Variants in KIF1B observed in about 807,000 individuals in gnomAD.
KIF1B encodes kinesin family member 1B, also known as kinesin-like protein KIF1B.
A neutral mutation model predicts 241.9 loss-of-function variants in KIF1B; 76 were observed. The ratio of observed to expected loss-of-function variants is 0.31; its 90% CI spans 0.26 to 0.38. The LOEUF (loss-of-function observed/expected upper bound fraction) is 0.38. KIF1B is among the 10% of genes least tolerant of loss of function. The pLI, the probability that KIF1B is intolerant of heterozygous loss-of-function variation, is 1.00. For missense variants in KIF1B, 1,622 were observed against 2,271.4 expected, an observed-to-expected ratio of 0.71 and a Z score of 5.81; for synonymous variants, 750 against 796.7, an observed-to-expected ratio of 0.94 and a Z score of 0.99.
intron 27 of KIF1B, 99 bp from the exon 28 acceptor site, chr1:10,334,421 G>A: frequency 1.1e-6 from 1 of 949,404 alleles, no homozygotes; most frequent in Non-Finnish European, 1.7e-6. Flanking sequence ...AAGGCCAGAA[G>A]TCAGCTCACA....
At chr1:10,235,778 C>T (rs1647041828) in intron 2 of KIF1B, among the ~76,000 whole-genome samples, 1 of 148,470 alleles carries the variant, frequency 6.7e-6, no homozygotes, top group Non-Finnish European at 1.5e-5. Context: ...AGGAGAATCA[C>T]TTGAACCCGG....
At chr1:10,227,762 C>A (rs141221242) in intron 1 of KIF1B, 1,844 of 153,836 alleles carry the variant, frequency 0.012, 37 homozygotes, top group African/African-American at 0.042. Context: ...GAGCCAAGAT[C>A]GTGCCACTGC....
rs1639012196 is a variant in KIF1B, at chr1:10,381,141, G to C, written c.*4554G>C. 1 of 220,084 alleles carries C rather than the reference G, an allele frequency of 4.5e-6. No homozygotes were observed. 13.6% of individuals were successfully genotyped at this position (220,084 alleles called of 1,614,324 possible). On this transcript the variant is annotated 3_prime_UTR_variant, in exon 49 of 49. Coordinates refer to ENST00000676179, the MANE Select transcript of KIF1B (RefSeq NM_001365951.3). ...CTTCGAGTTCATTTTTTTTCATTCT[G>C]CCTATTCTGGCATCAGCTCACTTGA...
rs546181801 is a variant in KIF1B, at chr1:10,283,021, C to T, written c.1434+488C>T. Among the ~76,000 whole-genome samples the T allele has an allele frequency of 2.0e-4, 31 of 152,014 alleles. No individual in the cohort carries two copies. The South Asian group carries it at 6.4e-3, about 32-fold the overall frequency. ...AGGAGATCAAGACCATCCTGGCTAACACGGTGAGACCCTGTCTCTACTAAA... is the reference window on the plus strand; with the variant it reads ...AGGAGATCAAGACCATCCTGGCTAATACGGTGAGACCCTGTCTCTACTAAA... On this transcript the variant is annotated intron_variant, in intron 15 of 48. Coordinates refer to ENST00000676179, the MANE Select transcript of KIF1B (RefSeq NM_001365951.3).
At chr1:10,261,270 ATTTT>A (rs141281398) in intron 4 of KIF1B, among the ~76,000 whole-genome samples, 1 of 136,982 alleles carries the variant, frequency 7.3e-6, no homozygotes, top group African/African-American at 2.7e-5. Flanking sequence ...ACCTGGCCAA[ATTTT>A]TTTTTTTTTT....
At chr1:10,255,235 C>T (rs113865294) in intron 2 of KIF1B, among the ~76,000 whole-genome samples, 1 of 152,134 alleles carries the variant, frequency 6.6e-6, no homozygotes, top group African/African-American at 2.4e-5. Flanking sequence ...AAGTGGGAGC[C>T]ACCGCGCCCA....
Position 10,378,992 on chromosome 1 carries a change from A to G in KIF1B, c.*2405A>G, listed in dbSNP as rs1448443335. On this transcript the variant is annotated 3_prime_UTR_variant, in exon 49 of 49. Transcript: ENST00000676179. ...AGTTAGAAGTTTCATTGTCTGATGG[A>G]CACAATATGCCCTTCCGGTTCTATT... The G allele has an allele frequency of 8.6e-6, 2 of 232,270 alleles. No individual in the cohort carries two copies. Among genetic ancestry groups the G allele is most frequent in the African/African-American group, 4.4e-5 (2 of 45,282 alleles). 14.4% of individuals were successfully genotyped at this position (232,270 alleles called of 1,614,324 possible). A position where few individuals can be genotyped will look rare whatever the true frequency, so the allele number is the denominator to read the frequency against.
chr1:10,341,951 CAAA>C (rs33942183), intron 32 of KIF1B, 96 bp from the exon 33 acceptor site: 2,589 of 687,948 alleles, frequency 3.8e-3, no homozygotes, highest in Non-Finnish European at 4.2e-3. Context: ...GACCTTGCCT[CAAA>C]AAAAAAAAAA....
chr1:10,370,179 G>A (rs920940552), intron 44 of KIF1B, among the ~76,000 whole-genome samples: 5 of 152,238 alleles, frequency 3.3e-5, no homozygotes, highest in Non-Finnish European at 7.3e-5. Context: ...GAACCTGGGA[G>A]GTGGAGGTTG....
At chr1:10,317,240 C>G (rs1167030845) in intron 22 of KIF1B, among the ~76,000 whole-genome samples, 1 of 151,372 alleles carries the variant, frequency 6.6e-6, no homozygotes, top group African/African-American at 2.5e-5. Flanking sequence ...CTTTTTCTCT[C>G]CTTCTTTCAG....
chr1:10,308,732 A>G (rs1365650612), intron 22 of KIF1B: 11 of 673,056 alleles, frequency 1.6e-5, no homozygotes, highest in Admixed American at 6.2e-5. Flanking sequence ...TGATATTTCT[A>G]TGTGAACTTG....
At chr1:10,212,929 T>TATATAC (rs1557638484) in intron 1 of KIF1B, among the ~76,000 whole-genome samples, 2 of 80,822 alleles carry the variant, frequency 2.5e-5, no homozygotes, top group East Asian at 5.2e-4. Context: ...TATATATATA[T>TATATAC]ATACACACAC....
intron 22 of KIF1B, among the ~76,000 whole-genome samples, chr1:10,311,045 C>T (rs1651043670): frequency 1.3e-5 from 2 of 151,560 alleles, no homozygotes; most frequent in Non-Finnish European, 2.9e-5. Flanking sequence ...TCTCCTAGCC[C>T]AGCCCTTGCT....
chr1:10,252,756 T>C (rs1647535709), intron 2 of KIF1B, among the ~76,000 whole-genome samples: 1 of 151,856 alleles, frequency 6.6e-6, no homozygotes, highest in African/African-American at 2.4e-5. Flanking sequence ...TTTGCTCTTT[T>C]GTACCCAGGC....
At position 10,278,007 on chromosome 1, in the gene KIF1B, A is replaced by C. The variant is rs889011445; in HGVS notation, c.1059A>C (p.Gln353His). The stretch of plus-strand genomic sequence containing the variant: ...CTAGATATGCAGATCGTGCAAAACA[A>C]ATTAAATGCAATGCTGTTATCAATG... ...STLRYADRAKQIKCNAVINED... is the reference protein window; with the variant it reads ...STLRYADRAKHIKCNAVINED... Residue 353 changes from glutamine (Q) to histidine (H), a missense_variant, in exon 13 of 49, where the codon CAA becomes CAC. Coordinates refer to ENST00000676179, the MANE Select transcript of KIF1B (RefSeq NM_001365951.3). 4 of 1,614,080 alleles carry C rather than the reference A, an allele frequency of 2.5e-6. No homozygotes were observed.
intron 22 of KIF1B, among the ~76,000 whole-genome samples, chr1:10,302,686 T>A (rs1023836199): frequency 6.6e-6 from 1 of 152,222 alleles, no homozygotes; most frequent in Non-Finnish European, 1.5e-5. Flanking sequence ...GGAAAGAGAT[T>A]CTGGAAGAAG....
chr1:10,343,928 T>C (rs1652492514), intron 34 of KIF1B, among the ~76,000 whole-genome samples: 1 of 152,206 alleles, frequency 6.6e-6, no homozygotes, highest in Admixed American at 6.5e-5. Context: ...GTCAGGGGAC[T>C]AGGCATTTCT....
At chr1:10,336,600 C>A in intron 28 of KIF1B, 57 bp from the exon 29 acceptor site, 1 of 1,363,556 alleles carries the variant, frequency 7.3e-7, no homozygotes, top group Non-Finnish European at 1.0e-6. Flanking sequence ...GAGCTTTTTC[C>A]CTCCCTCCCC....
intron 40 of KIF1B, among the ~76,000 whole-genome samples, chr1:10,363,053 C>T (rs939590959): frequency 2.2e-4 from 34 of 152,120 alleles, no homozygotes; most frequent in Non-Finnish European, 4.3e-4. Context: ...GCCTGGGTGA[C>T]ACAGGGAAAC....
Sources: allele counts gnomAD v4.1 joint callset (sites outside exome capture counted in the v4.1 genomes callset), GRCh38; gene constraint gnomAD v4.1.1; transcripts MANE v1.5; gene names NCBI Gene and HGNC (gene_info 2026-07-23, HGNC 2026-07-21).